The following NAALAD2 variants were observed in gnomAD, a reference collection of about 807,000 sequenced individuals.
NAALAD2 encodes N-acetylated-alpha-linked acidic dipeptidase 2.
NAALAD2 carries 89 observed loss-of-function variants against 95.6 expected under a neutral mutation model. The observed-to-expected ratio is 0.93, with a 90% confidence interval of 0.78 to 1.11. The LOEUF is 1.11. NAALAD2 is among the 50% of genes least tolerant of loss of function. The probability of loss-of-function intolerance (pLI) is 0.00; values close to 1 mark genes in which losing one functional copy is unlikely to be tolerated. For missense variants in NAALAD2, 894 were observed against 872.4 expected (o/e 1.02, Z -0.31); for synonymous variants, 264 against 294.4 (o/e 0.90, Z 1.06).
chr11:90,177,583 C>CTTGTTTTTTTTTTTTTTT (rs1952832295), intron 15 of NAALAD2, among the ~76,000 whole-genome samples: 1 of 19,408 alleles, frequency 5.2e-5, no homozygotes, highest in African/African-American at 1.8e-4. Context: ...TTTTCTTTTT[C>CTTGTTTTTTTTTTTTTTT]TTGTTTTTTT....
chr11:90,166,632 G>A (rs1196430861), intron 11 of NAALAD2, among the ~76,000 whole-genome samples: 1 of 151,926 alleles, frequency 6.6e-6, no homozygotes. Flanking sequence ...TCAGGAGATC[G>A]AGACCATTCT....
chr11:90,173,974 T>C, intron 14 of NAALAD2, 59 bp downstream of exon 14: 1 of 1,080,598 alleles, frequency 9.3e-7, no homozygotes, highest in Admixed American at 2.0e-5. Flanking sequence ...CCCCTCTGCC[T>C]CTTGTTTCTC....
chr11:90,167,210 C>T (rs1398028234), intron 11 of NAALAD2, among the ~76,000 whole-genome samples: 2 of 152,158 alleles, frequency 1.3e-5, no homozygotes, highest in Admixed American at 1.3e-4. Flanking sequence ...GGGCGGGAAC[C>T]GGGGCTGCGC....
chr11:90,160,913 G>A (rs1952275022), intron 8 of NAALAD2, among the ~76,000 whole-genome samples: 1 of 152,156 alleles, frequency 6.6e-6, no homozygotes, highest in South Asian at 2.1e-4. Flanking sequence ...ACCTCACAGA[G>A]ATCTTGAAAA....
chr11:90,133,500 A>T (rs1951385641), upstream of NAALAD2, among the ~76,000 whole-genome samples: 1 of 151,674 alleles, frequency 6.6e-6, no homozygotes, highest in Non-Finnish European at 1.5e-5. Flanking sequence ...GACTATTAGA[A>T]AAAAAAAAGG....
intron 13 of NAALAD2, among the ~76,000 whole-genome samples, chr11:90,173,434 T>A (rs1258923764): frequency 6.6e-6 from 1 of 152,148 alleles, no homozygotes; most frequent in African/African-American, 2.4e-5. Flanking sequence ...CAAAAATAAT[T>A]TACAAAAGCA....
chr11:90,155,059 T>TATACATATGTATATATTATATAC (rs1411711319), intron 6 of NAALAD2, among the ~76,000 whole-genome samples: 18 of 125,342 alleles, frequency 1.4e-4, no homozygotes, highest in African/African-American at 6.2e-4. Context: ...ATTATATACA[T>TATACATATGTATATATTATATAC]ATACATATGT....
chr11:90,189,523 C>G (rs1359179943), intron 18 of NAALAD2, among the ~76,000 whole-genome samples: 2 of 152,164 alleles, frequency 1.3e-5, no homozygotes, highest in Non-Finnish European at 2.9e-5. Flanking sequence ...AATCCCAGCA[C>G]TTTGGGAGGT....
At chr11:90,185,632 C>T (rs1411061126) in intron 18 of NAALAD2, among the ~76,000 whole-genome samples, 2 of 152,102 alleles carry the variant, frequency 1.3e-5, no homozygotes, top group African/African-American at 4.8e-5. Context: ...CATGCCATTG[C>T]ACTCCAGCTT....
intron 2 of NAALAD2, among the ~76,000 whole-genome samples, chr11:90,146,274 C>T (rs1237206094): frequency 2.8e-5 from 4 of 143,668 alleles, no homozygotes; most frequent in Admixed American, 7.0e-5. Context: ...GGCTGTCATC[C>T]GGTTAACTAA....
intron 2 of NAALAD2, among the ~76,000 whole-genome samples, chr11:90,143,697 C>A (rs139693817): frequency 6.6e-6 from 1 of 152,074 alleles, no homozygotes; most frequent in African/African-American, 2.4e-5. Context: ...ATACACTGAG[C>A]GAAGTACATA....
rs201080015 is a variant in NAALAD2 at position 90,163,296 on chromosome 11, G to C, written c.1076-14G>C. ...ATTCAAAGTTGTAGGTTTCTTGAAC[G>C]TATTATTTTCCAGACAGGTATGTTA... On this transcript the variant is annotated splice_polypyrimidine_tract_variant and intron_variant, in intron 9 of 18. Coordinates refer to ENST00000534061, the MANE Select transcript of NAALAD2 (RefSeq NM_005467.4). 3 of 1,605,962 alleles carry C rather than the reference G, an allele frequency of 1.9e-6. No individual in the cohort carries two copies. The highest frequency in any genetic ancestry group is 2.5e-6 in the Non-Finnish European group (3 of 1,176,940).
chr11:90,167,757 A>G (rs928717802), intron 11 of NAALAD2, among the ~76,000 whole-genome samples: 1 of 152,024 alleles, frequency 6.6e-6, no homozygotes, highest in East Asian at 1.9e-4. Flanking sequence ...TCCACACTCT[A>G]TATCTAGCTA....
intron 18 of NAALAD2, among the ~76,000 whole-genome samples, chr11:90,191,271 G>A (rs922839573): frequency 3.3e-5 from 5 of 151,766 alleles, no homozygotes; most frequent in East Asian, 1.9e-4. Context: ...GGATGCTTAC[G>A]GGACGCTGAG....
intron 13 of NAALAD2, among the ~76,000 whole-genome samples, chr11:90,170,990 T>G (rs936904081): frequency 1.3e-5 from 2 of 152,180 alleles, no homozygotes; most frequent in Admixed American, 1.3e-4. Context: ...GTTCATTGTT[T>G]TATGTCAGTG....
rs147103227 is a variant in NAALAD2 at position 90,169,181 on chromosome 11, T to A, written c.1342+189T>A. ...TTCATTTTGCCACAGAGAAAATAAT[T>A]AGGATTCATATGAATTGATATGATT... On this transcript the variant is annotated intron_variant, in intron 12 of 18. Coordinates refer to ENST00000534061, the MANE Select transcript of NAALAD2 (RefSeq NM_005467.4). The A allele has an allele frequency of 1.0e-3, 494 of 481,786 alleles. 10 individuals carry two copies. The East Asian group carries it at 0.017, about 17-fold the overall frequency. The allele number at this position is 481,786 out of a possible 1,614,324, so 29.8% of individuals were successfully genotyped here.
chr11:90,186,632 G>C (rs1217584276), intron 18 of NAALAD2, among the ~76,000 whole-genome samples: 1 of 151,464 alleles, frequency 6.6e-6, no homozygotes, highest in East Asian at 1.9e-4. Context: ...TATGTAGAAA[G>C]CTGAAACTGG....
chr11:90,134,835 T>C lies in NAALAD2; in HGVS notation c.77T>C (p.Met26Thr), dbSNP rs559053283. The C allele has an allele frequency of 1.2e-6, 2 of 1,614,124 alleles. No individual in the cohort carries two copies. Among genetic ancestry groups the C allele is most frequent in the South Asian group, 1.1e-5 (1 of 91,082 alleles). Residue 26 changes from methionine to threonine, a missense_variant, in exon 1 of 19, where the codon ATG becomes ACG. By Grantham distance (81) the Met-to-Thr change is moderately conservative (BLOSUM62 -1). Coordinates refer to ENST00000534061, the MANE Select transcript of NAALAD2 (RefSeq NM_005467.4). ...AALASFLMGF[M>T]VGWFIKPLKE... ...CTGGCATCTTTCCTGATGGGATTTA[T>C]GGTGGGTAAGTGAACAAAACACTCT... is the stretch of plus-strand genomic sequence containing the variant.
At chr11:90,184,775 T>C (rs954137114) in intron 18 of NAALAD2, among the ~76,000 whole-genome samples, 39 of 152,232 alleles carry the variant, frequency 2.6e-4, no homozygotes, top group African/African-American at 6.3e-4. Flanking sequence ...AATGCACTTA[T>C]ATACATGTTT....
Sources: gnomAD v4.1 joint callset for allele counts (sites outside exome capture counted in the v4.1 genomes callset) on GRCh38, gnomAD v4.1.1 for gene constraint, MANE v1.5 for transcripts, NCBI Gene and HGNC (gene_info 2026-07-23, HGNC 2026-07-21) for gene names.